Variants in SCHIP1 observed in about 807,000 individuals in gnomAD.
SCHIP1 encodes schwannomin-interacting protein 1.
A neutral mutation model predicts 29.7 loss-of-function variants in SCHIP1; 8 were observed. That is an observed-to-expected ratio of 0.27 (90% CI 0.16 to 0.49). SCHIP1 has a LOEUF of 0.49. Among genes scored for constraint, SCHIP1 ranks in the 20% least tolerant of loss-of-function variants. SCHIP1 has a pLI of 0.99. For missense variants in SCHIP1, 193 were observed against 294.6 expected (o/e 0.66, Z 2.52); for synonymous variants, 76 against 94.9 (o/e 0.80, Z 1.16).
chr3:159,583,841 C>T, the SCHIP1 span, among the ~76,000 whole-genome samples: 4 of 152,264 alleles, frequency 2.6e-5, no homozygotes, highest in East Asian at 7.7e-4. Flanking sequence ...CTCTCTTGCT[C>T]CTTGGAGCAT....
chr3:159,693,923 G>T, the SCHIP1 span, among the ~76,000 whole-genome samples: 3 of 152,170 alleles, frequency 2.0e-5, no homozygotes, highest in Admixed American at 6.5e-5. Context: ...GAAGATCAGT[G>T]CTATGGTTTC....
At chr3:159,659,629 A>G in the SCHIP1 span, among the ~76,000 whole-genome samples, 1 of 152,144 alleles carries the variant, frequency 6.6e-6, no homozygotes, top group Non-Finnish European at 1.5e-5. Flanking sequence ...AACATTTAGC[A>G]CTTCTTCAAT....
At chr3:159,500,763 C>T in the SCHIP1 span, among the ~76,000 whole-genome samples, 1 of 151,716 alleles carries the variant, frequency 6.6e-6, no homozygotes. Flanking sequence ...CCCCCATATG[C>T]TAATATGTTG....
the SCHIP1 span, among the ~76,000 whole-genome samples, chr3:159,623,156 G>T: frequency 1.3e-5 from 2 of 152,058 alleles, no homozygotes; most frequent in African/African-American, 4.8e-5. Context: ...TGCTCATCAA[G>T]TAGGCATAAG....
At chr3:159,777,811 CTT>C in the SCHIP1 span, among the ~76,000 whole-genome samples, 134 of 152,238 alleles carry the variant, frequency 8.8e-4, no homozygotes, top group African/African-American at 3.1e-3. Flanking sequence ...CATATTGAGA[CTT>C]TATTTAATTT....
At chr3:159,476,737 T>C in the SCHIP1 span, among the ~76,000 whole-genome samples, 2 of 152,184 alleles carry the variant, frequency 1.3e-5, no homozygotes, top group African/African-American at 4.8e-5. Context: ...GATGTTTTGA[T>C]AGGTACATAC....
At chr3:159,838,379 T>C (rs2109001808), upstream of SCHIP1, among the ~76,000 whole-genome samples, 1 of 152,320 alleles carries the variant, frequency 6.6e-6, no homozygotes, top group Non-Finnish European at 1.5e-5. Context: ...CCATTTCTCA[T>C]GCAAAAAGTA....
chr3:159,373,789 A>T, the SCHIP1 span, among the ~76,000 whole-genome samples: 2 of 152,058 alleles, frequency 1.3e-5, no homozygotes, highest in South Asian at 4.2e-4. Context: ...ATATGTATAT[A>T]CACACACACA....
the SCHIP1 span, among the ~76,000 whole-genome samples, chr3:159,772,931 G>A: frequency 6.6e-6 from 1 of 151,994 alleles, no homozygotes; most frequent in African/African-American, 2.4e-5. Flanking sequence ...ACTAGAGACG[G>A]GATTTCACTA....
At chr3:159,458,750 T>C in the SCHIP1 span, among the ~76,000 whole-genome samples, 1 of 152,102 alleles carries the variant, frequency 6.6e-6, no homozygotes, top group Non-Finnish European at 1.5e-5. Flanking sequence ...CAATAAATGA[T>C]GGGGAAATCC....
the SCHIP1 span, among the ~76,000 whole-genome samples, chr3:159,677,881 G>A: frequency 6.6e-6 from 1 of 152,142 alleles, no homozygotes; most frequent in South Asian, 2.1e-4. Context: ...TGTCACCCAG[G>A]CTGGGGTGCA....
the SCHIP1 span, chr3:159,764,918 G>C: frequency 1.3e-6 from 2 of 1,521,680 alleles, no homozygotes; most frequent in Non-Finnish European, 1.8e-6. The surrounding 1 kb of genome is among the most constrained non-coding windows in gnomAD (Gnocchi z 6.1). Context: ...GGCCCCCGCC[G>C]GGCGATCCAA....
chr3:159,361,109 A>C, the SCHIP1 span, among the ~76,000 whole-genome samples: 1 of 152,258 alleles, frequency 6.6e-6, no homozygotes, highest in Non-Finnish European at 1.5e-5. Context: ...TTTACAGCCC[A>C]GCTTGTGAAG....
the SCHIP1 span, among the ~76,000 whole-genome samples, chr3:159,719,303 C>A: frequency 6.6e-6 from 1 of 152,124 alleles, no homozygotes; most frequent in Non-Finnish European, 1.5e-5. Flanking sequence ...TAGGCAATAC[C>A]ATTCAGGACA....
chr3:159,780,506 G>A, the SCHIP1 span, among the ~76,000 whole-genome samples: 1 of 152,140 alleles, frequency 6.6e-6, no homozygotes, highest in Non-Finnish European at 1.5e-5. Context: ...ATTAAATATC[G>A]AAGGTGTAAT....
the SCHIP1 span, among the ~76,000 whole-genome samples, chr3:159,668,305 A>G: frequency 6.9e-6 from 1 of 144,180 alleles, no homozygotes; most frequent in East Asian, 2.1e-4. Flanking sequence ...TGAACCCGGG[A>G]GGTGGAGCTT....
the SCHIP1 span, among the ~76,000 whole-genome samples, chr3:159,673,951 C>T: frequency 1.3e-5 from 2 of 152,178 alleles, no homozygotes; most frequent in African/African-American, 4.8e-5. Flanking sequence ...GCTCTCTCCT[C>T]CTGCAGTTCC....
chr3:159,463,346 CTTTGT>C, the SCHIP1 span, among the ~76,000 whole-genome samples: 1 of 152,118 alleles, frequency 6.6e-6, no homozygotes, highest in South Asian at 2.1e-4. Context: ...TTGATATTTA[CTTTGT>C]TTTTAGTATT....
chr3:159,567,630 T>C, the SCHIP1 span, among the ~76,000 whole-genome samples: 2 of 152,156 alleles, frequency 1.3e-5, no homozygotes, highest in African/African-American at 4.8e-5. Context: ...GTTGGTCAAA[T>C]TTTTTTCTCT....
Sources: allele counts gnomAD v4.1 joint callset (sites outside exome capture counted in the v4.1 genomes callset), GRCh38; gene constraint gnomAD v4.1.1; non-coding constraint Gnocchi (gnomAD v3.1); transcripts MANE v1.5; gene names NCBI Gene and HGNC (gene_info 2026-07-23, HGNC 2026-07-21).